Variants in GCNT2 observed in about 807,000 individuals in gnomAD.
The protein encoded by GCNT2 is glucosaminyl (N-acetyl) transferase 2 (I blood group).
A neutral mutation model predicts 34.2 loss-of-function variants in GCNT2; 34 were observed. The observed-to-expected ratio is 1.00, with a 90% CI of 0.76 to 1.32. The LOEUF (loss-of-function observed/expected upper bound fraction) is 1.32, where lower values mean the gene tolerates loss of function less well. Ranked by LOEUF, GCNT2 falls within the 40% of genes most tolerant of loss-of-function variation. The pLI is 0.00. For missense variants in GCNT2, 584 were observed against 489.4 expected (o/e 1.19, Z -1.82); for synonymous variants, 212 against 188.0 (o/e 1.13, Z -1.04).
At chr6:10,531,038 C>G (rs1178282295) in intron 3 of GCNT2, among the ~76,000 whole-genome samples, 1 of 118,660 alleles carries the variant, frequency 8.4e-6, no homozygotes. Flanking sequence ...GAGACTCTGT[C>G]TCAAAAAAAA....
At chr6:10,567,005 C>T (rs1561805390) in intron 3 of GCNT2, among the ~76,000 whole-genome samples, 1 of 152,156 alleles carries the variant, frequency 6.6e-6, no homozygotes, top group Non-Finnish European at 1.5e-5. Context: ...ATCTAGTGCT[C>T]ATTAGAAGAA....
chr6:10,577,816 C>A (rs1186459683), intron 3 of GCNT2, among the ~76,000 whole-genome samples: 1 of 152,014 alleles, frequency 6.6e-6, no homozygotes, highest in Non-Finnish European at 1.5e-5. Context: ...GCTGGAATTA[C>A]AGGCGTGAGC....
intron 3 of GCNT2, chr6:10,556,548 T>G (rs1487176058): frequency 6.2e-7 from 1 of 1,614,202 alleles, no homozygotes; most frequent in South Asian, 1.1e-5. Flanking sequence ...TCAGACCCTT[T>G]GAGGCTGACT....
intron 3 of GCNT2, among the ~76,000 whole-genome samples, chr6:10,531,065 A>G (rs1162779359): frequency 6.7e-6 from 1 of 149,826 alleles, no homozygotes. Flanking sequence ...AAAGATTTCT[A>G]GACTAGTACC....
intron 3 of GCNT2, among the ~76,000 whole-genome samples, chr6:10,585,457 C>G (rs981936708): frequency 6.6e-6 from 1 of 152,114 alleles, no homozygotes; most frequent in Admixed American, 6.5e-5. Context: ...AGCCGATATC[C>G]TTAAATGCTG....
intron 3 of GCNT2, among the ~76,000 whole-genome samples, chr6:10,553,189 G>A (rs1762554235): frequency 6.6e-6 from 1 of 152,198 alleles, no homozygotes. Flanking sequence ...ATTAAATAGA[G>A]GAAAGATGCA....
chr6:10,543,693 A>C (rs1192640354), intron 3 of GCNT2, among the ~76,000 whole-genome samples: 1 of 152,182 alleles, frequency 6.6e-6, no homozygotes, highest in African/African-American at 2.4e-5. Flanking sequence ...GTCCCTAATT[A>C]ACAATGATGT....
At chr6:10,563,121 C>G (rs972278826) in intron 3 of GCNT2, among the ~76,000 whole-genome samples, 5 of 151,844 alleles carry the variant, frequency 3.3e-5, no homozygotes, top group Non-Finnish European at 2.9e-5. Context: ...TGCCACTGAA[C>G]TCCAGCCTGG....
At chr6:10,524,391 A>T (rs1761089423) in intron 1 of GCNT2, among the ~76,000 whole-genome samples, 1 of 151,846 alleles carries the variant, frequency 6.6e-6, no homozygotes, top group Non-Finnish European at 1.5e-5. Context: ...AGCTGGAATT[A>T]ACAGGCATGC....
intron 3 of GCNT2, chr6:10,586,234 A>G (rs549103754): frequency 1.2e-6 from 2 of 1,614,156 alleles, no homozygotes; most frequent in Non-Finnish European, 1.7e-6. Context: ...ACCCAGAATC[A>G]CTACATCACA....
At position 10,529,567 on chromosome 6, in the gene GCNT2, T is replaced by G. The variant is rs757766007; in HGVS notation, c.656T>G (p.Val219Gly). 1 of 1,613,630 alleles carries G rather than the reference T, an allele frequency of 6.2e-7. No individual in the cohort carries two copies. The highest frequency in any genetic ancestry group is 1.1e-5 in the South Asian group (1 of 91,016). The change falls in exon 3 of 5, where the codon GTG becomes GGG. Residue 219 changes from valine to glycine, a missense_variant. By Grantham distance (109) the Val-to-Gly change is moderately radical (BLOSUM62 -3). Transcript: ENST00000495262. ...AAAGGGAAAAATATCACCCCCGGAG[T>G]GCTGCCTCCTGACCACGCTGTTGGA... is the stretch of plus-strand genomic sequence containing the variant. ...GFKGKNITPGVLPPDHAVGRT... is the reference protein window; with the variant it reads ...GFKGKNITPGGLPPDHAVGRT...
At chr6:10,557,154 G>A in intron 3 of GCNT2, 1 of 1,549,568 alleles carries the variant, frequency 6.5e-7, no homozygotes, top group Non-Finnish European at 8.7e-7. Flanking sequence ...TATGTGATAA[G>A]AACAACAGCG....
intron 3 of GCNT2, among the ~76,000 whole-genome samples, chr6:10,596,254 T>C (rs1043581202): frequency 6.6e-6 from 1 of 152,138 alleles, no homozygotes; most frequent in Non-Finnish European, 1.5e-5. Context: ...CTGGGTGCAG[T>C]GACTCACACC....
chr6:10,598,807 G>C (rs1764966500), intron 3 of GCNT2, among the ~76,000 whole-genome samples: 1 of 152,142 alleles, frequency 6.6e-6, no homozygotes, highest in African/African-American at 2.4e-5. Flanking sequence ...CAGCTTTGCA[G>C]ATTCCTAGTG....
intron 3 of GCNT2, among the ~76,000 whole-genome samples, chr6:10,534,414 G>T (rs550547991): frequency 1.3e-5 from 2 of 151,972 alleles, no homozygotes; most frequent in Non-Finnish European, 2.9e-5. Flanking sequence ...GGGATTACAG[G>T]CGTGAGCCAC....
intron 1 of GCNT2, among the ~76,000 whole-genome samples, chr6:10,523,655 A>T (rs1761034466): frequency 6.6e-6 from 1 of 151,714 alleles, no homozygotes; most frequent in African/African-American, 2.4e-5. Context: ...TGGCCTGGAG[A>T]TTGCTGTTGT....
chr6:10,611,592 GTGCTGGGAT>G (rs2127435965), intron 3 of GCNT2, among the ~76,000 whole-genome samples: 1 of 152,154 alleles, frequency 6.6e-6, no homozygotes, highest in South Asian at 2.1e-4. Flanking sequence ...GCCTCCCAAA[GTGCTGGGAT>G]TACAGGCGTG....
chr6:10,594,253 C>T (rs1356456030), intron 3 of GCNT2, among the ~76,000 whole-genome samples: 1 of 152,176 alleles, frequency 6.6e-6, no homozygotes, highest in Non-Finnish European at 1.5e-5. Flanking sequence ...TGACACGGAC[C>T]ATCTTTTACA....
At chr6:10,619,858 T>C (rs1765957367) in intron 3 of GCNT2, among the ~76,000 whole-genome samples, 1 of 152,210 alleles carries the variant, frequency 6.6e-6, no homozygotes, top group Non-Finnish European at 1.5e-5. Flanking sequence ...TTCCTTGCCT[T>C]TTCTAGCTTC....
Sources: allele counts gnomAD v4.1 joint callset (sites outside exome capture counted in the v4.1 genomes callset), GRCh38; gene constraint gnomAD v4.1.1; transcripts MANE v1.5; gene names NCBI Gene and HGNC (gene_info 2026-07-23, HGNC 2026-07-21).